SEPTIN6: variants seen among roughly 807,000 people sequenced by gnomAD.
SEPTIN6 encodes septin 6.
In SEPTIN6, 8 loss-of-function variants were observed where a neutral mutation model predicts 33.6. The observed-to-expected ratio is 0.24, with a 90% CI of 0.14 to 0.43. The LOEUF (loss-of-function observed/expected upper bound fraction) is 0.43. SEPTIN6 is among the 20% of genes least tolerant of loss of function. SEPTIN6 has a pLI of 1.00. For synonymous variants in SEPTIN6, 131 were observed against 140.0 expected, an observed-to-expected ratio of 0.94 and a Z score of 0.45; for missense variants, 250 against 340.8, an observed-to-expected ratio of 0.73 and a Z score of 2.10.
intron 6 of SEPTIN6, 49 bp downstream of exon 6, chrX:119,640,639 GAGAC>G: frequency 1.0e-6 from 1 of 976,352 alleles, no homozygotes; most frequent in Non-Finnish European, 1.5e-6. Flanking sequence ...GACAAACAAA[GAGAC>G]AGACAAAAGG....
chrX:119,669,968 C>T (rs1374220238), intron 2 of SEPTIN6, among the ~76,000 whole-genome samples: 3 of 111,716 alleles, frequency 2.7e-5, no homozygotes, highest in African/African-American at 9.8e-5. Flanking sequence ...GTGCTCTTCA[C>T]AGCCATGACT....
At chrX:119,639,107 C>T (rs2054111451) in intron 6 of SEPTIN6, among the ~76,000 whole-genome samples, 1 of 112,341 alleles carries the variant, frequency 8.9e-6, no homozygotes, top group South Asian at 3.7e-4. Context: ...AAGACCAGAA[C>T]TTAGCACAGC....
chrX:119,640,714 C>T lies in SEPTIN6; in HGVS notation c.765G>A (p.Gln255=). Residue 255 remains glutamine, a synonymous_variant, in exon 6 of 11, where the codon CAG becomes CAA. Coordinates refer to ENST00000394610, the MANE Select transcript of SEPTIN6 (RefSeq NM_145799.4). The part of the protein sequence containing the change: ...KIGNKMMRAR[Q]YPWGTVQVEN... ...CACCCTGCACAGTGCCCCAAGGATA[C>T]TGCCGCGCCCTCATCATCTTGTTGC... The T allele has an allele frequency of 1.7e-6, 2 of 1,210,623 alleles. No homozygotes were observed. Among genetic ancestry groups the T allele is most frequent in the South Asian group, 3.5e-5 (2 of 56,955 alleles).
intron 1 of SEPTIN6, among the ~76,000 whole-genome samples, chrX:119,681,612 A>C (rs969470642): frequency 5.4e-5 from 6 of 112,119 alleles, no homozygotes; most frequent in Admixed American, 9.5e-5. Flanking sequence ...ATATTTAACC[A>C]AATTATGGTA....
At chrX:119,654,422 G>A (rs2054402756) in intron 3 of SEPTIN6, among the ~76,000 whole-genome samples, 1 of 111,452 alleles carries the variant, frequency 9.0e-6, no homozygotes, top group Non-Finnish European at 1.9e-5. Flanking sequence ...CTGAGGGGGT[G>A]CCTCCCTTCA....
intron 2 of SEPTIN6, among the ~76,000 whole-genome samples, chrX:119,673,825 G>A (rs2054791570): frequency 1.3e-5 from 1 of 78,640 alleles, no homozygotes; most frequent in African/African-American, 5.1e-5. Context: ...CTGGGTGACA[G>A]CACAAGACTC....
chrX:119,662,245 A>G (rs1310129398), intron 3 of SEPTIN6, among the ~76,000 whole-genome samples: 1 of 111,544 alleles, frequency 9.0e-6, no homozygotes, highest in African/African-American at 3.3e-5. Context: ...AACCCAATCT[A>G]TTTCTAGCCT....
chrX:119,657,179 A>C (rs2054460982), intron 3 of SEPTIN6, among the ~76,000 whole-genome samples: 1 of 105,687 alleles, frequency 9.5e-6, no homozygotes, highest in African/African-American at 3.5e-5. Flanking sequence ...AGATCGCACC[A>C]CTGCACTCCA....
chrX:119,677,711 G>A (rs1166839788), intron 1 of SEPTIN6, among the ~76,000 whole-genome samples: 2 of 112,445 alleles, frequency 1.8e-5, no homozygotes, highest in African/African-American at 6.5e-5. Flanking sequence ...AACTTTGTCA[G>A]AACCGGCTCC....
At chrX:119,620,902 G>T (rs1288360031) in intron 10 of SEPTIN6, among the ~76,000 whole-genome samples, 2 of 111,074 alleles carry the variant, frequency 1.8e-5, no homozygotes, top group Non-Finnish European at 1.9e-5. Flanking sequence ...GATTACTGGC[G>T]TGAGGCACTG....
chrX:119,664,335 G>A (rs2054598872), intron 2 of SEPTIN6, among the ~76,000 whole-genome samples: 1 of 111,226 alleles, frequency 9.0e-6, no homozygotes, highest in Non-Finnish European at 1.9e-5. Context: ...AGGCAGCAAT[G>A]GAGAGATATA....
chrX:119,656,367 G>A (rs911834202), intron 3 of SEPTIN6, among the ~76,000 whole-genome samples: 3 of 112,213 alleles, frequency 2.7e-5, no homozygotes, highest in Non-Finnish European at 5.6e-5. Flanking sequence ...CATTTGAGCC[G>A]CAAGGATGAG....
chrX:119,669,599 C>T (rs2054707697), intron 2 of SEPTIN6, among the ~76,000 whole-genome samples: 2 of 112,011 alleles, frequency 1.8e-5, no homozygotes, highest in South Asian at 7.4e-4. Context: ...CCCAAGCCCA[C>T]GTGCAGTGAT....
Position 119,618,037 on chromosome X carries a change from A to AT in SEPTIN6, c.*2055dup. The AT allele has an allele frequency of 2.5e-6, 2 of 806,348 alleles. No individual in the cohort carries two copies. The highest frequency in any genetic ancestry group is 3.0e-6 in the Non-Finnish European group (2 of 671,451). 66.5% of individuals were successfully genotyped at this position (806,348 alleles called of 1,213,427 possible). On this transcript the variant is annotated 3_prime_UTR_variant, in exon 11 of 11. Transcript: ENST00000394610. ...TTACCGGTTGGTTGTTTAAGCGTGA[A>AT]TTTCTGGGAAAGCAGCTCTGAAGCT...
At chrX:119,659,614 A>T (rs1395620363) in intron 3 of SEPTIN6, among the ~76,000 whole-genome samples, 1 of 111,876 alleles carries the variant, frequency 8.9e-6, no homozygotes, top group African/African-American at 3.3e-5. Context: ...CATATTCCAC[A>T]CATGTCAAAT....
intron 2 of SEPTIN6, among the ~76,000 whole-genome samples, chrX:119,664,783 G>A (rs1050231170): frequency 2.0e-5 from 2 of 101,873 alleles, no homozygotes. Context: ...AGAGGTTGCA[G>A]TGAGCTGAGA....
intron 6 of SEPTIN6, among the ~76,000 whole-genome samples, chrX:119,640,067 C>T (rs1423850700): frequency 9.2e-6 from 1 of 108,296 alleles, no homozygotes; most frequent in African/African-American, 3.4e-5. Context: ...CTTCTTCGGC[C>T]TCCCAGAGTG....
chrX:119,630,945 A>G (rs2053947714), intron 8 of SEPTIN6, among the ~76,000 whole-genome samples: 2 of 110,390 alleles, frequency 1.8e-5, no homozygotes, highest in Non-Finnish European at 3.8e-5. Context: ...GGATCAGAGA[A>G]CAAGAGGCAC....
intron 1 of SEPTIN6, among the ~76,000 whole-genome samples, chrX:119,676,102 G>A (rs1042884635): frequency 8.9e-6 from 1 of 111,847 alleles, no homozygotes; most frequent in Non-Finnish European, 1.9e-5. Context: ...CCTCAGAAAC[G>A]CTAATACATG....
Sources: gnomAD v4.1 joint callset for allele counts (sites outside exome capture counted in the v4.1 genomes callset) on GRCh38, gnomAD v4.1.1 for gene constraint, MANE v1.5 for transcripts, NCBI Gene and HGNC (gene_info 2026-07-23, HGNC 2026-07-21) for gene names.